The following RPTOR variants were observed in gnomAD, a reference collection of about 807,000 sequenced individuals.
The protein encoded by RPTOR is regulatory-associated protein of mTOR.
RPTOR carries 21 observed loss-of-function variants against 169.9 expected under a neutral mutation model. That is an observed-to-expected ratio of 0.12 (90% CI 0.09 to 0.18). The LOEUF (loss-of-function observed/expected upper bound fraction) is 0.18, where lower values mean the gene tolerates loss of function less well. Among genes scored for constraint, RPTOR ranks in the 10% least tolerant of loss-of-function variants. RPTOR has a pLI of 1.00. For missense variants in RPTOR, 1,133 were observed against 1,855.9 expected (o/e 0.61, Z 7.16); for synonymous variants, 732 against 753.2 (o/e 0.97, Z 0.46).
In RPTOR at chr17:80,957,895, G is replaced by C. The variant is rs746519544; in HGVS notation, c.3477+165G>C. 2.6e-5 allele frequency among the ~76,000 whole-genome samples: 4 copies of C among 152,274 alleles called. No homozygotes were observed. The South Asian group carries it at 8.3e-4, about 32-fold the overall frequency. On this transcript the variant is annotated intron_variant, in intron 29 of 33. Transcript: ENST00000306801. This position sits in a 1 kb window ranked among gnomAD's most constrained non-coding sequence, Gnocchi z 4.6. Reference sequence around the variant, plus strand: ...GGGACAATGCTGGGAGGAGACGTGGGCTCCCTGAGGCCTCTGGATGAAGGT... The same window carrying C: ...GGGACAATGCTGGGAGGAGACGTGGCCTCCCTGAGGCCTCTGGATGAAGGT...
At chr17:80,920,344 G>A (rs2068730095) in intron 21 of RPTOR, among the ~76,000 whole-genome samples, 1 of 152,160 alleles carries the variant, frequency 6.6e-6, no homozygotes, top group African/African-American at 2.4e-5. Context: ...AACCCCCTGT[G>A]GTCACTACAC....
At chr17:80,666,847 G>T (rs1320860462) in intron 3 of RPTOR, among the ~76,000 whole-genome samples, 2 of 152,156 alleles carry the variant, frequency 1.3e-5, no homozygotes, top group African/African-American at 4.8e-5. Flanking sequence ...TGTGAAGGGT[G>T]ATGGCGAGTT....
At chr17:80,911,056 C>G (rs2068606954) in intron 21 of RPTOR, among the ~76,000 whole-genome samples, 1 of 152,214 alleles carries the variant, frequency 6.6e-6, no homozygotes, top group Non-Finnish European at 1.5e-5. Context: ...TGGTCTCGGT[C>G]TCTTGACCTC....
Position 80,823,287 on chromosome 17 carries a change from G to A in RPTOR, c.1136+64G>A. On this transcript the variant is annotated intron_variant, in intron 9 of 33. Transcript: ENST00000306801. The surrounding 1 kb of genome is among the most constrained non-coding windows in gnomAD (Gnocchi z 4.5). The stretch of plus-strand genomic sequence containing the variant: ...GCCCTCCGTGGCACTGTGATGTCAT[G>A]GAATTGCACGGAGCTGGGCAGGGAG... 2 of 1,584,410 alleles carry A rather than the reference G, an allele frequency of 1.3e-6. No individual in the cohort carries two copies. Among genetic ancestry groups the A allele is most frequent in the Admixed American group, 3.4e-5 (2 of 58,602 alleles).
Position 80,860,668 on chromosome 17 carries a change from G to C in RPTOR, c.1509+2768G>C, listed in dbSNP as rs561613436. On this transcript the variant is annotated intron_variant, in intron 13 of 33. Coordinates refer to ENST00000306801, the MANE Select transcript of RPTOR (RefSeq NM_020761.3). The surrounding 1 kb of genome is among the most constrained non-coding windows in gnomAD (Gnocchi z 5.8). ...CGTACCCAGCACCAGTTGACCTCTC[G>C]CTGGTTCCGCTGATTCTTGTAGATT... Among the ~76,000 whole-genome samples, 4 of 152,074 alleles carry C rather than the reference G, an allele frequency of 2.6e-5. No individual in the cohort carries two copies. Among genetic ancestry groups the C allele is most frequent in the African/African-American group, 9.7e-5 (4 of 41,422 alleles).
intron 6 of RPTOR, among the ~76,000 whole-genome samples, chr17:80,782,482 C>T (rs768713901): frequency 9.2e-5 from 14 of 151,910 alleles, no homozygotes; most frequent in South Asian, 2.1e-4. Context: ...TAGGTGAGGA[C>T]CCAGCAGTCG....
Position 80,746,305 on chromosome 17 carries a change from TCCC to T in RPTOR, c.655-7703_655-7701del. On this transcript the variant is annotated intron_variant, in intron 5 of 33. Transcript: ENST00000306801. The surrounding 1 kb of genome is among the most constrained non-coding windows in gnomAD (Gnocchi z 4.5). ...CCACAGCGGTGCTTTCTGCGGGTGA[TCCC>T]CACCGCCCCCACAGCGGTGCTTTCT... 7.1e-6 allele frequency among the ~76,000 whole-genome samples: 1 copy of T among 140,934 alleles called. No individual in the cohort carries two copies. The highest frequency in any genetic ancestry group is 7.0e-5 in the Admixed American group (1 of 14,320). 92.5% of individuals were successfully genotyped at this position (140,934 alleles called of 152,430 possible). A position where few individuals can be genotyped will look rare whatever the true frequency, so the allele number is the denominator to read the frequency against.
intron 1 of RPTOR, among the ~76,000 whole-genome samples, chr17:80,589,284 G>A (rs895712459): frequency 2.6e-5 from 4 of 152,110 alleles, no homozygotes; most frequent in African/African-American, 9.7e-5. Context: ...GGGCTGAGAC[G>A]CGCCTGGGTC....
intron 13 of RPTOR, among the ~76,000 whole-genome samples, 160 bp from the exon 14 acceptor site, chr17:80,880,255 C>T (rs912905096): frequency 1.7e-4 from 26 of 152,260 alleles, no homozygotes; most frequent in African/African-American, 6.0e-4. Context: ...TGTCTGCAGG[C>T]ACCGGCTGCA....
intron 28 of RPTOR, among the ~76,000 whole-genome samples, chr17:80,952,147 G>A (rs1040146893): frequency 6.6e-6 from 1 of 152,210 alleles, no homozygotes; most frequent in Non-Finnish European, 1.5e-5. Context: ...CCAGAGCCGT[G>A]AATGCTGACC....
At chr17:80,782,179 C>T (rs1024705284) in intron 6 of RPTOR, among the ~76,000 whole-genome samples, 18 of 152,174 alleles carry the variant, frequency 1.2e-4, no homozygotes, top group African/African-American at 3.9e-4. Context: ...GCAGAGGCAG[C>T]GGCTGGTTTC....
At chr17:80,954,414 G>GC (rs1471307700) in intron 28 of RPTOR, among the ~76,000 whole-genome samples, 2 of 152,138 alleles carry the variant, frequency 1.3e-5, no homozygotes, top group Non-Finnish European at 2.9e-5. Flanking sequence ...GAGCCACTGT[G>GC]CCCGGGCTAC....
intron 3 of RPTOR, among the ~76,000 whole-genome samples, chr17:80,698,729 T>C (rs975637069): frequency 3.3e-5 from 5 of 152,262 alleles, no homozygotes; most frequent in Non-Finnish European, 5.9e-5. Context: ...TTATTACCAT[T>C]CATGCAGGTA....
chr17:80,862,746 G>A (rs1264945278), intron 13 of RPTOR, among the ~76,000 whole-genome samples: 1 of 150,994 alleles, frequency 6.6e-6, no homozygotes, highest in Non-Finnish European at 1.5e-5. Flanking sequence ...AGTGCCTCCT[G>A]CAGCCCTCAG....
intron 1 of RPTOR, among the ~76,000 whole-genome samples, chr17:80,585,613 G>T (rs1428217228): frequency 2.0e-5 from 3 of 152,230 alleles, no homozygotes; most frequent in African/African-American, 7.2e-5. Flanking sequence ...ACTTGCGTAG[G>T]GTGGTCCTGA....
At chr17:80,547,842 G>A (rs1367512584) in intron 1 of RPTOR, among the ~76,000 whole-genome samples, 1 of 152,158 alleles carries the variant, frequency 6.6e-6, no homozygotes, top group Non-Finnish European at 1.5e-5. Context: ...AATGGCAGCT[G>A]ACATTTGGCA....
At chr17:80,932,752 C>A (rs1482032672) in intron 24 of RPTOR, among the ~76,000 whole-genome samples, 1 of 152,140 alleles carries the variant, frequency 6.6e-6, no homozygotes, top group Non-Finnish European at 1.5e-5. Context: ...ACAAAGCAGT[C>A]CAACATCTAA....
chr17:80,554,770 A>AACC (rs771899446), intron 1 of RPTOR, among the ~76,000 whole-genome samples: 2 of 47,546 alleles, frequency 4.2e-5, no homozygotes, highest in Non-Finnish European at 1.1e-4. Flanking sequence ...AAACAAAACA[A>AACC]ACAACAACAA....
intron 2 of RPTOR, among the ~76,000 whole-genome samples, chr17:80,637,145 G>A (rs1392079284): frequency 6.6e-6 from 1 of 152,198 alleles, no homozygotes; most frequent in Non-Finnish European, 1.5e-5. Flanking sequence ...GGTCTGAGAA[G>A]CTTGAAAAAT....
Sources: allele counts gnomAD v4.1 joint callset (sites outside exome capture counted in the v4.1 genomes callset), GRCh38; gene constraint gnomAD v4.1.1; non-coding constraint Gnocchi (gnomAD v3.1); transcripts MANE v1.5; gene names NCBI Gene and HGNC (gene_info 2026-07-23, HGNC 2026-07-21).